BCAP29: variants seen among roughly 807,000 people sequenced by gnomAD.
The protein encoded by BCAP29 is B-cell receptor-associated protein 29.
BCAP29 carries 34 observed loss-of-function variants against 31.8 expected under a neutral mutation model. That is an observed-to-expected ratio of 1.07 (90% CI 0.81 to 1.42). The LOEUF is 1.42. Among genes scored for constraint, BCAP29 ranks in the 40% most tolerant of loss-of-function variants. The pLI is 0.00. For missense variants in BCAP29, 314 were observed against 269.2 expected (o/e 1.17, Z -1.16); for synonymous variants, 104 against 91.3 (o/e 1.14, Z -0.79).
intron 3 of BCAP29, among the ~76,000 whole-genome samples, chr7:107,587,095 A>G (rs897132906): frequency 4.6e-5 from 7 of 152,162 alleles, no homozygotes; most frequent in African/African-American, 1.7e-4. Context: ...GTGTGTGCAT[A>G]CAAGTGTGTG....
chr7:107,611,384 T>C (rs1226243235), intron 6 of BCAP29, among the ~76,000 whole-genome samples: 1 of 152,018 alleles, frequency 6.6e-6, no homozygotes, highest in Non-Finnish European at 1.5e-5. Flanking sequence ...CTGGGCAACA[T>C]AGTGAGACCT....
chr7:107,604,617 AT>A (rs1811744381), intron 6 of BCAP29, among the ~76,000 whole-genome samples: 1 of 151,552 alleles, frequency 6.6e-6, no homozygotes, highest in Non-Finnish European at 1.5e-5. Context: ...CCCCCAGCTT[AT>A]TTTAAAATTA....
Position 107,586,791 on chromosome 7 carries a change from G to C in BCAP29, c.193+2809G>C, listed in dbSNP as rs566061124. Among the ~76,000 whole-genome samples the C allele has an allele frequency of 4.2e-4, 62 of 147,706 alleles. No homozygotes were observed. In the Middle Eastern group the frequency reaches 0.01, roughly 25 times the overall value. Reference sequence around the variant, plus strand: ...CACCAAGGCTGAAATGCAGTGGTGCGATCTCAGCTCACTGCAACCTCCACT... The same window carrying C: ...CACCAAGGCTGAAATGCAGTGGTGCCATCTCAGCTCACTGCAACCTCCACT... On this transcript the variant is annotated intron_variant, in intron 3 of 7. Coordinates refer to ENST00000005259, the MANE Select transcript of BCAP29 (RefSeq NM_018844.4).
intron 1 of BCAP29, 108 bp from the exon 2 acceptor site, chr7:107,580,651 G>A: frequency 1.4e-6 from 1 of 719,356 alleles, no homozygotes; most frequent in East Asian, 3.3e-5. Context: ...CCCAGGTGGG[G>A]GAAGGTGGAA....
chr7:107,621,255 G>C (rs116989627), downstream of BCAP29: 2 of 185,382 alleles, frequency 1.1e-5, no homozygotes, highest in Non-Finnish European at 1.1e-5. Flanking sequence ...GGGATGATCC[G>C]TCTAGAGTCC....
At chr7:107,616,035 A>G (rs1814068514) in intron 7 of BCAP29, among the ~76,000 whole-genome samples, 1 of 152,134 alleles carries the variant, frequency 6.6e-6, no homozygotes, top group African/African-American at 2.4e-5. Context: ...TTTGCTGATC[A>G]TTGGATTGTG....
chr7:107,621,747 G>A (rs1308467750), downstream of BCAP29: 1 of 472,654 alleles, frequency 2.1e-6, no homozygotes, highest in South Asian at 1.5e-5. Flanking sequence ...GCTGGAGGAG[G>A]CAAAGAACAG....
intron 2 of BCAP29, among the ~76,000 whole-genome samples, chr7:107,582,617 G>C (rs141759021): frequency 6.6e-6 from 1 of 152,126 alleles, no homozygotes; most frequent in Non-Finnish European, 1.5e-5. Context: ...GGTAGTACTA[G>C]TGTCTACCCC....
intron 6 of BCAP29, among the ~76,000 whole-genome samples, chr7:107,603,941 T>C (rs960226440): frequency 1.3e-5 from 2 of 151,548 alleles, no homozygotes; most frequent in Admixed American, 6.6e-5. Flanking sequence ...AGTAATTCAG[T>C]CGTTGTAAAG....
At chr7:107,608,200 T>TA (rs58620528) in intron 6 of BCAP29, among the ~76,000 whole-genome samples, 108 of 144,816 alleles carry the variant, frequency 7.5e-4, no homozygotes, top group South Asian at 2.4e-3. Context: ...ATGAGTGGAT[T>TA]AAAAAAAAAA....
At chr7:107,603,240 G>T (rs961726931) in intron 6 of BCAP29, 9 of 152,100 alleles carry the variant, frequency 5.9e-5, no homozygotes, top group Non-Finnish European at 1.2e-4. Flanking sequence ...AAAGTGCTGG[G>T]ATTACAGGTG....
intron 4 of BCAP29, 46 bp downstream of exon 4, chr7:107,594,151 A>G (rs1809377885): frequency 6.6e-7 from 1 of 1,506,668 alleles, no homozygotes. Flanking sequence ...AACATGACTT[A>G]TGCTTTCCTT....
chr7:107,587,843 A>G (rs901403705), intron 3 of BCAP29: 1 of 152,120 alleles, frequency 6.6e-6, no homozygotes, highest in African/African-American at 2.4e-5. Context: ...GCAAAAAACC[A>G]GATAGTTTTA....
rs187851808 is a variant in BCAP29, at chr7:107,615,110, T to A, written c.690+1678T>A. ...TATGCCTTCAGTTTCTTATGGCCAG[T>A]GTCCATTGTTGAATGTCTCCATTGT... On this transcript the variant is annotated intron_variant, in intron 7 of 7. Transcript: ENST00000005259. The A allele has an allele frequency of 2.8e-5, 12 of 423,190 alleles. No individual in the cohort carries two copies. The East Asian group carries it at 7.9e-4, about 28-fold the overall frequency. 26.2% of individuals were successfully genotyped at this position (423,190 alleles called of 1,614,324 possible).
chr7:107,596,744 AGT>A, intron 5 of BCAP29, among the ~76,000 whole-genome samples: 1 of 152,164 alleles, frequency 6.6e-6, no homozygotes, highest in East Asian at 1.9e-4. Context: ...GAAAATGGAA[AGT>A]GTTATTTTTT....
At chr7:107,586,728 C>CTT (rs763602838) in intron 3 of BCAP29, among the ~76,000 whole-genome samples, 20 of 131,578 alleles carry the variant, frequency 1.5e-4, no homozygotes, top group East Asian at 4.3e-4. Flanking sequence ...TGTATTTATT[C>CTT]TTTTTTTTTT....
intron 6 of BCAP29, among the ~76,000 whole-genome samples, chr7:107,601,832 A>G (rs1263118905): frequency 6.6e-6 from 1 of 152,194 alleles, no homozygotes; most frequent in Non-Finnish European, 1.5e-5. Flanking sequence ...TGTATCCACC[A>G]AGAATCTCTT....
rs146567566 is a variant in BCAP29 at position 107,593,031 on chromosome 7, C to T, written c.194-924C>T. On this transcript the variant is annotated intron_variant, in intron 3 of 7. Transcript: ENST00000005259. ...ATATACTAAAAACTACTGAATTATA[C>T]ATTTTAAAGAGGTAAATTTTTATGG... Among the ~76,000 whole-genome samples, 921 of 152,260 alleles carry T rather than the reference C, an allele frequency of 6.0e-3. 13 individuals carry two copies. The highest frequency in any genetic ancestry group is 0.021 in the African/African-American group (877 of 41,524).
chr7:107,603,939 AGTC>A lies in BCAP29; in HGVS notation c.589+3437_589+3439del, dbSNP rs563904058. On this transcript the variant is annotated intron_variant, in intron 6 of 7. Coordinates refer to ENST00000005259, the MANE Select transcript of BCAP29 (RefSeq NM_018844.4). ...TTTAAAAGAACTTTTCAAGTAATTC[AGTC>A]GTTGTAAAGTCATTTAATGTGGAGC... is the stretch of plus-strand genomic sequence containing the variant. Among the ~76,000 whole-genome samples the A allele has an allele frequency of 1.9e-3, 286 of 152,248 alleles. 2 individuals are homozygous for A. The highest frequency in any genetic ancestry group is 6.7e-3 in the African/African-American group (278 of 41,556).
Sources: gnomAD v4.1 joint callset for allele counts (sites outside exome capture counted in the v4.1 genomes callset) on GRCh38, gnomAD v4.1.1 for gene constraint, MANE v1.5 for transcripts, NCBI Gene and HGNC (gene_info 2026-07-23, HGNC 2026-07-21) for gene names.